Variants in IRAG1 observed in about 807,000 individuals in gnomAD.
IRAG1 encodes the protein IP3R-associated cGMP kinase substrate.
In IRAG1, 62 loss-of-function variants were observed where a neutral mutation model predicts 106.2. That is an observed-to-expected ratio of 0.58 (90% CI 0.48 to 0.72). The LOEUF (loss-of-function observed/expected upper bound fraction) is 0.72. IRAG1 is among the 30% of genes least tolerant of loss of function. IRAG1 has a pLI of 0.00. For synonymous variants in IRAG1, 462 were observed against 443.9 expected (o/e 1.04, Z -0.51); for missense variants, 1,064 against 1,140.7 (o/e 0.93, Z 0.97).
chr11:10,604,687 A>G, intron 12 of IRAG1, 142 bp from the exon 13 acceptor site: 1 of 1,015,206 alleles, frequency 9.9e-7, no homozygotes, highest in South Asian at 1.5e-5. Flanking sequence ...TGCAAGGGAA[A>G]CGCTCACTTC....
At chr11:10,609,337 G>A (rs1372588657) in intron 11 of IRAG1, among the ~76,000 whole-genome samples, 1 of 152,126 alleles carries the variant, frequency 6.6e-6, no homozygotes, top group Admixed American at 6.5e-5. Context: ...GAGGCCAGGA[G>A]TTCAAGATTA....
chr11:10,587,717 C>T (rs1051523017), intron 18 of IRAG1, among the ~76,000 whole-genome samples: 2 of 152,132 alleles, frequency 1.3e-5, no homozygotes, highest in African/African-American at 2.4e-5. Context: ...TGAACGGTTC[C>T]ACACACACCC....
chr11:10,673,053 C>T (rs561783332), intron 1 of IRAG1, among the ~76,000 whole-genome samples: 3 of 152,184 alleles, frequency 2.0e-5, no homozygotes, highest in Non-Finnish European at 4.4e-5. Flanking sequence ...GAGGCTGAGA[C>T]GGGCGAATCA....
intron 1 of IRAG1, among the ~76,000 whole-genome samples, chr11:10,688,415 A>T (rs1337222656): frequency 6.6e-6 from 1 of 152,178 alleles, no homozygotes; most frequent in Admixed American, 6.5e-5. Flanking sequence ...GAATGTCTTC[A>T]GGCTTTCTTC....
At chr11:10,629,510 C>G (rs1414799982) in intron 5 of IRAG1, 28 bp downstream of exon 5, 2 of 1,602,812 alleles carry the variant, frequency 1.2e-6, no homozygotes, top group Non-Finnish European at 1.7e-6. Context: ...GGGCTCAGGG[C>G]AGCCACCTGT....
At chr11:10,641,103 G>A (rs1456850045) in intron 2 of IRAG1, among the ~76,000 whole-genome samples, 1 of 151,882 alleles carries the variant, frequency 6.6e-6, no homozygotes, top group Non-Finnish European at 1.5e-5. Flanking sequence ...CAAATTTCTG[G>A]GCTCAGGTGA....
At position 10,659,995 on chromosome 11, in the gene IRAG1, G is replaced by T. The variant is rs975691975; in HGVS notation, c.68-7813C>A. On this transcript the variant is annotated intron_variant, in intron 1 of 20. Coordinates refer to ENST00000423302, the MANE Select transcript of IRAG1 (RefSeq NM_130385.4). The surrounding 1 kb of genome is among the most constrained non-coding windows in gnomAD (Gnocchi z 4.1). Reference sequence around the variant, plus strand: ...CCCATAAAGGGCAGGGCACCGAGGGGTCTCCAGGAAGACATGGAGGATCAG... The same window carrying T: ...CCCATAAAGGGCAGGGCACCGAGGGTTCTCCAGGAAGACATGGAGGATCAG... Among the ~76,000 whole-genome samples the T allele has an allele frequency of 6.6e-6, 1 of 152,132 alleles. No homozygotes were observed. The highest frequency in any genetic ancestry group is 1.5e-5 in the Non-Finnish European group (1 of 68,032).
chr11:10,687,566 C>T (rs1861753786), intron 1 of IRAG1: 1 of 864,848 alleles, frequency 1.2e-6, no homozygotes, highest in Admixed American at 3.9e-5. Context: ...TGATATTAGT[C>T]TCTGAATTCC....
At chr11:10,581,767 T>C (rs571705877) in intron 19 of IRAG1, 100 bp downstream of exon 19, 2 of 1,436,002 alleles carry the variant, frequency 1.4e-6, no homozygotes, top group African/African-American at 2.9e-5. Flanking sequence ...CTGCGGCCAC[T>C]GGTTACTTCC....
intron 20 of IRAG1, among the ~76,000 whole-genome samples, chr11:10,579,320 C>T (rs1303667377): frequency 6.6e-6 from 1 of 152,108 alleles, no homozygotes; most frequent in Non-Finnish European, 1.5e-5. Flanking sequence ...TTGTTGCATG[C>T]ATGTGGTTTC....
chr11:10,628,594 GC>G lies in IRAG1; in HGVS notation c.652+156del, dbSNP rs141344563. On this transcript the variant is annotated intron_variant, in intron 6 of 20. Transcript: ENST00000423302. The surrounding 1 kb of genome is among the most constrained non-coding windows in gnomAD (Gnocchi z 4.1). ...GCCTCCTCTGGGTGGCCCAGCAAAT[GC>G]CCCCCCTGGAGAGGGGTCTTGCTCT... 6.6e-6 allele frequency among the ~76,000 whole-genome samples: 1 copy of G among 152,042 alleles called. No individual in the cohort carries two copies. The highest frequency in any genetic ancestry group is 6.5e-5 in the Admixed American group (1 of 15,270).
At chr11:10,689,331 G>C (rs980502543) in intron 1 of IRAG1, among the ~76,000 whole-genome samples, 5 of 152,134 alleles carry the variant, frequency 3.3e-5, no homozygotes, top group Non-Finnish European at 7.4e-5. Context: ...CTCATTCCCG[G>C]CTGACCCTGG....
intron 2 of IRAG1, among the ~76,000 whole-genome samples, chr11:10,642,156 C>G (rs993048614): frequency 6.6e-6 from 1 of 152,214 alleles, no homozygotes; most frequent in African/African-American, 2.4e-5. Context: ...CCCAGCCTCC[C>G]TGGGGGTCCA....
intron 8 of IRAG1, 118 bp from the exon 9 acceptor site, chr11:10,626,701 A>T: frequency 1.7e-6 from 2 of 1,207,684 alleles, no homozygotes; most frequent in Non-Finnish European, 2.3e-6. Flanking sequence ...CCATTTGTAT[A>T]AGTGTGTATG....
chr11:10,655,109 A>G (rs1858818002), intron 1 of IRAG1, among the ~76,000 whole-genome samples: 1 of 152,180 alleles, frequency 6.6e-6, no homozygotes, highest in Admixed American at 6.6e-5. Flanking sequence ...CTACTAAAGG[A>G]AGTTGGCTAC....
intron 1 of IRAG1, among the ~76,000 whole-genome samples, chr11:10,681,084 G>A (rs1046203187): frequency 1.3e-5 from 2 of 152,130 alleles, no homozygotes; most frequent in African/African-American, 4.8e-5. Context: ...CTTAGGGAGT[G>A]CCCGACACCT....
chr11:10,689,329 C>A (rs917301647), intron 1 of IRAG1, among the ~76,000 whole-genome samples: 5 of 152,164 alleles, frequency 3.3e-5, no homozygotes, highest in Non-Finnish European at 7.3e-5. Context: ...TTCTCATTCC[C>A]GGCTGACCCT....
rs1298097140 is a variant in IRAG1, at chr11:10,665,679, G to A, written c.68-13497C>T. Reference sequence around the variant, plus strand: ...TTGGAACCCCAGCACCAGAGTTTAGGGTGGAGACTCCCATGTGCAGGACAG... The same window carrying A: ...TTGGAACCCCAGCACCAGAGTTTAGAGTGGAGACTCCCATGTGCAGGACAG... On this transcript the variant is annotated intron_variant, in intron 1 of 20. Coordinates refer to ENST00000423302, the MANE Select transcript of IRAG1 (RefSeq NM_130385.4). This position sits in a 1 kb window ranked among gnomAD's most constrained non-coding sequence, Gnocchi z 4.2. 1.3e-5 allele frequency among the ~76,000 whole-genome samples: 2 copies of A among 152,134 alleles called. No homozygotes were observed. Among genetic ancestry groups the A allele is most frequent in the Non-Finnish European group, 2.9e-5 (2 of 68,032 alleles).
At chr11:10,581,300 G>A (rs527432880) in intron 19 of IRAG1, among the ~76,000 whole-genome samples, 76 of 152,268 alleles carry the variant, frequency 5.0e-4, no homozygotes, top group African/African-American at 1.8e-3. Flanking sequence ...GACAGGAGAC[G>A]CATAGGGCAC....
Sources: allele counts gnomAD v4.1 joint callset (sites outside exome capture counted in the v4.1 genomes callset), GRCh38; gene constraint gnomAD v4.1.1; non-coding constraint Gnocchi (gnomAD v3.1); transcripts MANE v1.5; gene names NCBI Gene and HGNC (gene_info 2026-07-23, HGNC 2026-07-21).